The following FHIT variants were observed in gnomAD, a reference collection of about 807,000 sequenced individuals.
FHIT encodes bis(5'-adenosyl)-triphosphatase.
FHIT carries 19 observed loss-of-function variants against 17.9 expected under a neutral mutation model. The ratio of observed to expected loss-of-function variants is 1.06; its 90% confidence interval spans 0.74 to 1.56. The LOEUF (loss-of-function observed/expected upper bound fraction) is 1.56, where lower values mean the gene tolerates loss of function less well. Ranked by LOEUF, FHIT falls within the 40% of genes most tolerant of loss-of-function variation. FHIT has a pLI of 0.00. For missense variants in FHIT, 248 were observed against 189.2 expected (o/e 1.31, Z -1.82); for synonymous variants, 81 against 69.7 (o/e 1.16, Z -0.81).
intron 4 of FHIT, among the ~76,000 whole-genome samples, chr3:60,725,648 T>C (rs907208878): frequency 2.0e-5 from 3 of 152,130 alleles, no homozygotes; most frequent in Non-Finnish European, 2.9e-5. Flanking sequence ...TATAAAAACT[T>C]TTGCAATTGG....
At chr3:60,548,532 T>G (rs1431648290) in intron 4 of FHIT, among the ~76,000 whole-genome samples, 1 of 152,106 alleles carries the variant, frequency 6.6e-6, no homozygotes, top group African/African-American at 2.4e-5. Context: ...CTGAAAACAT[T>G]TCCATCCCAT....
chr3:60,158,701 C>T (rs1305893388), intron 5 of FHIT, among the ~76,000 whole-genome samples: 1 of 152,194 alleles, frequency 6.6e-6, no homozygotes, highest in Non-Finnish European at 1.5e-5. Context: ...CTAAGAGTGA[C>T]TGCTACTTCA....
chr3:60,805,010 G>T (rs1392710543), intron 4 of FHIT, among the ~76,000 whole-genome samples: 2 of 152,172 alleles, frequency 1.3e-5, no homozygotes, highest in African/African-American at 4.8e-5. Context: ...GCACATAGTA[G>T]ATACTCAATG....
At chr3:60,365,839 C>A (rs529818109) in intron 5 of FHIT, among the ~76,000 whole-genome samples, 5 of 152,232 alleles carry the variant, frequency 3.3e-5, no homozygotes, top group Admixed American at 6.5e-5. Context: ...CATTATGGAA[C>A]ATTTTTCTTC....
chr3:61,108,719 T>C (rs1395971977), intron 2 of FHIT, among the ~76,000 whole-genome samples: 3 of 152,196 alleles, frequency 2.0e-5, no homozygotes, highest in African/African-American at 7.2e-5. Flanking sequence ...ATTTCCTCTA[T>C]TTGCTATTGC....
intron 5 of FHIT, among the ~76,000 whole-genome samples, chr3:60,095,179 G>T (rs1266889816): frequency 4.6e-5 from 7 of 152,086 alleles, no homozygotes; most frequent in African/African-American, 1.7e-4. Context: ...TAGCCAAGAG[G>T]CACAACGATG....
chr3:60,149,220 G>A (rs1284363503), intron 5 of FHIT, among the ~76,000 whole-genome samples: 1 of 152,110 alleles, frequency 6.6e-6, no homozygotes, highest in Admixed American at 6.6e-5. Context: ...CTATGCCATA[G>A]GATTTAGAAA....
intron 2 of FHIT, among the ~76,000 whole-genome samples, chr3:61,162,263 C>T (rs916848170): frequency 6.6e-6 from 1 of 152,126 alleles, no homozygotes; most frequent in Non-Finnish European, 1.5e-5. Context: ...CTGGAAAGCC[C>T]CTCTTTGTTC....
chr3:60,668,215 CT>C lies in FHIT; in HGVS notation c.-17-131237del, dbSNP rs1269599510. The stretch of plus-strand genomic sequence containing the variant: ...TTTTTTTACGTGTTCTGCCTGCCCA[CT>C]TCAGTATTTCTTGGTGGAAAGGGAG... On this transcript the variant is annotated intron_variant, in intron 4 of 9. Transcript: ENST00000492590. Among the ~76,000 whole-genome samples the C allele has an allele frequency of 2.0e-5, 3 of 151,434 alleles. No homozygotes were observed. The East Asian group carries it at 5.8e-4, about 29-fold the overall frequency.
intron 5 of FHIT, among the ~76,000 whole-genome samples, chr3:60,141,894 T>C (rs995143644): frequency 3.3e-5 from 5 of 152,146 alleles, no homozygotes; most frequent in Non-Finnish European, 5.9e-5. Context: ...TTAACCTAAA[T>C]CCTTAAAGTT....
At chr3:60,173,368 G>A (rs1701504808) in intron 5 of FHIT, among the ~76,000 whole-genome samples, 1 of 152,136 alleles carries the variant, frequency 6.6e-6, no homozygotes, top group Admixed American at 6.5e-5. Flanking sequence ...AGTTTTCTGA[G>A]TCAGCCACCC....
intron 5 of FHIT, among the ~76,000 whole-genome samples, chr3:60,316,890 T>C (rs1198038398): frequency 6.6e-6 from 1 of 152,208 alleles, no homozygotes; most frequent in African/African-American, 2.4e-5. Context: ...GACTTTGGAT[T>C]ACCTGCAGAG....
intron 8 of FHIT, among the ~76,000 whole-genome samples, chr3:59,792,643 T>G (rs893930216): frequency 1.3e-5 from 2 of 152,214 alleles, no homozygotes; most frequent in Non-Finnish European, 2.9e-5. Flanking sequence ...TGTTAAATGC[T>G]TAACAAGAAT....
At chr3:60,023,778 C>T (rs1399321076) in intron 5 of FHIT, among the ~76,000 whole-genome samples, 1 of 152,144 alleles carries the variant, frequency 6.6e-6, no homozygotes, top group Non-Finnish European at 1.5e-5. Context: ...TGGTGCTACA[C>T]ACAGAGCTTA....
chr3:59,967,171 C>A (rs1707966100), intron 7 of FHIT, among the ~76,000 whole-genome samples: 1 of 152,100 alleles, frequency 6.6e-6, no homozygotes, highest in South Asian at 2.1e-4. Context: ...CACCATGGAG[C>A]CGTCTTCTCC....
intron 4 of FHIT, among the ~76,000 whole-genome samples, chr3:60,636,701 T>G (rs1369802794): frequency 6.6e-6 from 1 of 152,138 alleles, no homozygotes; most frequent in African/African-American, 2.4e-5. Context: ...CGTCCTGTGC[T>G]CCTATCCTGC....
intron 5 of FHIT, among the ~76,000 whole-genome samples, chr3:60,451,038 T>C (rs2031705316): frequency 6.6e-6 from 1 of 152,104 alleles, no homozygotes. Flanking sequence ...TTTTTAGGAG[T>C]TCTTGGGCCA....
intron 8 of FHIT, among the ~76,000 whole-genome samples, chr3:59,870,856 C>CGTGTGTGTGT (rs112477825): frequency 3.4e-5 from 4 of 116,124 alleles, no homozygotes; most frequent in African/African-American, 8.6e-5. Context: ...TAGTAAAGGG[C>CGTGTGTGTGT]GTGTGTGTGT....
At chr3:60,418,372 GTGTGTATATATATATATATATATATA>G (rs1330230318) in intron 5 of FHIT, among the ~76,000 whole-genome samples, 10 of 5,324 alleles carry the variant, frequency 1.9e-3, no homozygotes, top group African/African-American at 2.1e-3. Context: ...GTATCTGAAT[GTGTGTATATATATATATATATATATA>G]TATATATATA....
Sources: gnomAD v4.1 joint callset for allele counts (sites outside exome capture counted in the v4.1 genomes callset) on GRCh38, gnomAD v4.1.1 for gene constraint, MANE v1.5 for transcripts, NCBI Gene and HGNC (gene_info 2026-07-23, HGNC 2026-07-21) for gene names.